Variants in FA2H observed in about 807,000 individuals in gnomAD.
FA2H encodes the protein fatty acid 2-hydroxylase.
In FA2H, 22 loss-of-function variants were observed where a neutral mutation model predicts 44.9. That is an observed-to-expected ratio of 0.49 (90% CI 0.35 to 0.70). The LOEUF (loss-of-function observed/expected upper bound fraction) is 0.70. Among genes scored for constraint, FA2H ranks in the 30% least tolerant of loss-of-function variants. FA2H has a pLI of 0.01. For synonymous variants in FA2H, 243 were observed against 213.2 expected (o/e 1.14, Z -1.22); for missense variants, 501 against 504.9 (o/e 0.99, Z 0.07).
Position 74,714,217 on chromosome 16 carries a change from T to C in FA2H, c.1092A>G (p.Pro364=). 1 of 1,566,518 alleles carries C rather than the reference T, an allele frequency of 6.4e-7. No homozygotes were observed. Among genetic ancestry groups the C allele is most frequent in the Non-Finnish European group, 8.7e-7 (1 of 1,155,150 alleles). Residue 364 remains proline, a synonymous_variant, in exon 7 of 7, where the codon CCA becomes CCG. Coordinates refer to ENST00000219368, the MANE Select transcript of FA2H (RefSeq NM_024306.5). ...ACTGCGTCTTCAGGTGGGGTTTCTC[T>C]GGAGTGAGGGTGTGGAAACAGTAAT... ...LWDYCFHTLT[P]EKPHLKTQ is the part of the protein sequence containing the mutation.
rs1961980827 is a variant in FA2H at position 74,727,322 on chromosome 16, T to C, written c.428A>G (p.Glu143Gly). The change falls in exon 3 of 7, where the codon GAG becomes GGG. Residue 143 changes from glutamate to glycine, a missense_variant. Glu to Gly is a moderately conservative substitution (Grantham distance 98, BLOSUM62 -2). Coordinates refer to ENST00000219368, the MANE Select transcript of FA2H (RefSeq NM_024306.5). ...CCTGGTCACCGGCTGGTGAACCCACTCATCGTACTTCTCTCCCAAGTGGCC... is the reference window on the plus strand; with the variant it reads ...CCTGGTCACCGGCTGGTGAACCCACCCATCGTACTTCTCTCCCAAGTGGCC... ...QVGHLGEKYD[E>G]WVHQPVTRPI... The C allele has an allele frequency of 6.2e-7, 1 of 1,613,996 alleles. No homozygotes were observed. Among genetic ancestry groups the C allele is most frequent in the African/African-American group, 1.3e-5 (1 of 74,914 alleles).
At position 74,774,597 on chromosome 16, in the gene FA2H, C is replaced by T; in HGVS notation, c.159G>A (p.Arg53=). 6.5e-7 allele frequency: 1 copy of T among 1,527,430 alleles called. No individual in the cohort carries two copies. The highest frequency in any genetic ancestry group is 1.2e-5 in the South Asian group (1 of 82,004). 94.6% of individuals were successfully genotyped at this position (1,527,430 alleles called of 1,614,324 possible). A position where few individuals can be genotyped will look rare whatever the true frequency, so the allele number is the denominator to read the frequency against. The stretch of plus-strand genomic sequence containing the variant: ...GGTCGGCGCTGATGTCCTGGCCCGC[C>T]CTGGCCCGCAGCAGCTGCTCGCCCC... ...HPGGEQLLRA[R]AGQDISADLD... The change falls in exon 1 of 7, where the codon AGG becomes AGA. Residue 53 remains arginine (R), a synonymous_variant. Transcript: ENST00000219368.
intron 5 of FA2H, among the ~76,000 whole-genome samples, chr16:74,718,654 T>C (rs933021893): frequency 6.6e-6 from 1 of 152,230 alleles, no homozygotes; most frequent in African/African-American, 2.4e-5. Flanking sequence ...TGTTCAATGA[T>C]GTCTAGAACA....
At chr16:74,760,864 G>A (rs1962694072) in intron 1 of FA2H, among the ~76,000 whole-genome samples, 1 of 152,110 alleles carries the variant, frequency 6.6e-6, no homozygotes, top group African/African-American at 2.4e-5. Flanking sequence ...TGAAAATACT[G>A]GGCACTTGGA....
At chr16:74,718,715 G>A (rs1265200125) in intron 5 of FA2H, among the ~76,000 whole-genome samples, 3 of 152,202 alleles carry the variant, frequency 2.0e-5, no homozygotes, top group Admixed American at 6.5e-5. Context: ...ATGAATGAAC[G>A]AATGAATGAG....
chr16:74,727,924 C>A (rs1315778121), intron 2 of FA2H, among the ~76,000 whole-genome samples: 1 of 152,114 alleles, frequency 6.6e-6, no homozygotes, highest in East Asian at 1.9e-4. Flanking sequence ...ATTTATTCAG[C>A]AATTTATTTT....
intron 1 of FA2H, among the ~76,000 whole-genome samples, chr16:74,756,151 C>T (rs575657823): frequency 4.6e-5 from 7 of 152,322 alleles, no homozygotes; most frequent in Admixed American, 1.3e-4. Context: ...GCCCCTCTGC[C>T]GTCCTAGCCT....
Position 74,716,491 on chromosome 16 carries a change from T to A in FA2H, c.895A>T (p.Thr299Ser). Residue 299 changes from threonine (T) to serine (S), a missense_variant, in exon 6 of 7, where the codon ACT becomes TCT. By Grantham distance (58) the Thr-to-Ser change is moderately conservative. Transcript: ENST00000219368. ...QLILPEAVGG[T>S]VFAGGLLGYV... Reference sequence around the variant, plus strand: ...CCCAGGAGGCCCCCCGCAAACACAGTGCCCCCTACTGCCTCGGGCAGGATG... The same window carrying A: ...CCCAGGAGGCCCCCCGCAAACACAGAGCCCCCTACTGCCTCGGGCAGGATG... 2 of 1,613,764 alleles carry A rather than the reference T, an allele frequency of 1.2e-6. No homozygotes were observed. Among genetic ancestry groups the A allele is most frequent in the Non-Finnish European group, 1.7e-6 (2 of 1,179,944 alleles).
chr16:74,737,771 A>T (rs1395251046), intron 2 of FA2H, among the ~76,000 whole-genome samples: 1 of 151,830 alleles, frequency 6.6e-6, no homozygotes, highest in Non-Finnish European at 1.5e-5. Context: ...AGGCCTGGGG[A>T]CCCTCGGCTG....
At chr16:74,716,833 A>T in intron 5 of FA2H, 51 of 328,534 alleles carry the variant, frequency 1.6e-4, no homozygotes, top group Non-Finnish European at 2.4e-4. Flanking sequence ...GCAAAGGAAC[A>T]TGGGATGGGC....
chr16:74,727,973 AATC>A (rs536354005), intron 2 of FA2H, among the ~76,000 whole-genome samples: 1 of 152,322 alleles, frequency 6.6e-6, no homozygotes, highest in Non-Finnish European at 1.5e-5. Context: ...TGCTGGGAAG[AATC>A]AACAGGAATG....
intron 1 of FA2H, among the ~76,000 whole-genome samples, chr16:74,751,416 T>C (rs1472502280): frequency 6.6e-6 from 1 of 152,034 alleles, no homozygotes; most frequent in Non-Finnish European, 1.5e-5. Context: ...TTTCTTCAAT[T>C]AGCAAAGTCT....
intron 4 of FA2H, among the ~76,000 whole-genome samples, chr16:74,720,044 C>T (rs1446755666): frequency 1.3e-5 from 2 of 152,104 alleles, no homozygotes; most frequent in African/African-American, 2.4e-5. Flanking sequence ...CATCTTCAAG[C>T]ACATGCTTCC....
chr16:74,714,010 C>T lies in FA2H; in HGVS notation c.*180G>A, dbSNP rs1436652610. 3 of 592,892 alleles carry T rather than the reference C, an allele frequency of 5.1e-6. No individual in the cohort carries two copies. The East Asian group carries it at 8.4e-5, about 17-fold the overall frequency. 36.7% of individuals were successfully genotyped at this position (592,892 alleles called of 1,614,324 possible). ...CACCAAGTGGATGTGACCCTCCTAC[C>T]AGGGGTCAGGAGGGCGGTCCTGCCT... On this transcript the variant is annotated 3_prime_UTR_variant, in exon 7 of 7. Coordinates refer to ENST00000219368, the MANE Select transcript of FA2H (RefSeq NM_024306.5).
chr16:74,765,451 C>A (rs1340125496), intron 1 of FA2H, among the ~76,000 whole-genome samples: 3 of 151,226 alleles, frequency 2.0e-5, no homozygotes. Context: ...GCCACCGTGC[C>A]CGGCTATGTT....
At chr16:74,753,452 C>T (rs1157613612) in intron 1 of FA2H, among the ~76,000 whole-genome samples, 2 of 152,124 alleles carry the variant, frequency 1.3e-5, no homozygotes, top group African/African-American at 4.8e-5. Flanking sequence ...GAGTCCGAGG[C>T]GGATGGATCA....
chr16:74,726,778 C>A (rs1489546564), intron 3 of FA2H, among the ~76,000 whole-genome samples: 1 of 152,120 alleles, frequency 6.6e-6, no homozygotes, highest in Non-Finnish European at 1.5e-5. Context: ...GACCTGGGGT[C>A]AAAGGGACAC....
Position 74,714,063 on chromosome 16 carries a change from G to A in FA2H, c.*127C>T, listed in dbSNP as rs1961634064. 8 of 664,678 alleles carry A rather than the reference G, an allele frequency of 1.2e-5. No homozygotes were observed. Among genetic ancestry groups the A allele is most frequent in the Non-Finnish European group, 2.2e-5 (8 of 369,864 alleles). 41.2% of individuals were successfully genotyped at this position (664,678 alleles called of 1,614,324 possible). On this transcript the variant is annotated 3_prime_UTR_variant, in exon 7 of 7. Transcript: ENST00000219368. Reference sequence around the variant, plus strand: ...GGGCCCCCTCAGCACCTTCCACTAGGCTGCAGGGCCGGACACAGCCCATCC... The same window carrying A: ...GGGCCCCCTCAGCACCTTCCACTAGACTGCAGGGCCGGACACAGCCCATCC...
intron 1 of FA2H, among the ~76,000 whole-genome samples, chr16:74,759,890 T>C (rs941745259): frequency 6.6e-6 from 1 of 152,174 alleles, no homozygotes; most frequent in Non-Finnish European, 1.5e-5. Flanking sequence ...CTGATGGACA[T>C]GGCACATTGC....
Sources: allele counts gnomAD v4.1 joint callset (sites outside exome capture counted in the v4.1 genomes callset), GRCh38; gene constraint gnomAD v4.1.1; transcripts MANE v1.5; gene names NCBI Gene and HGNC (gene_info 2026-07-23, HGNC 2026-07-21).